Variants in LRP1B observed in about 807,000 individuals in gnomAD.
LRP1B encodes the protein LDL receptor related protein 1B, also known as low-density lipoprotein receptor-related protein 1B.
A neutral mutation model predicts 556.6 loss-of-function variants in LRP1B; 217 were observed. The ratio of observed to expected loss-of-function variants is 0.39; its 90% confidence interval spans 0.35 to 0.44. The LOEUF (loss-of-function observed/expected upper bound fraction) is 0.44, where lower values mean the gene tolerates loss of function less well. Among genes scored for constraint, LRP1B ranks in the 20% least tolerant of loss-of-function variants. The pLI is 1.00. For missense variants in LRP1B, 5,053 were observed against 5,620.8 expected (o/e 0.90, Z 3.23); for synonymous variants, 2,047 against 1,865.8 (o/e 1.10, Z -2.50).
At chr2:142,048,343 G>T (rs1316345917) in intron 1 of LRP1B, among the ~76,000 whole-genome samples, 6 of 152,064 alleles carry the variant, frequency 3.9e-5, no homozygotes, top group African/African-American at 1.4e-4. Flanking sequence ...CAACATCACA[G>T]CTAATAATTG....
intron 57 of LRP1B, among the ~76,000 whole-genome samples, chr2:140,491,433 C>G (rs1688695792): frequency 6.6e-6 from 1 of 151,790 alleles, no homozygotes; most frequent in Admixed American, 6.6e-5. Flanking sequence ...GTTCCAGAGA[C>G]TATACTAGAA....
chr2:140,381,415 C>G (rs542684896), intron 67 of LRP1B, among the ~76,000 whole-genome samples: 1 of 152,060 alleles, frequency 6.6e-6, no homozygotes, highest in Non-Finnish European at 1.5e-5. Flanking sequence ...TTGCCTATAT[C>G]CCTGGACCAA....
chr2:141,384,292 T>C (rs1209743883), intron 3 of LRP1B, among the ~76,000 whole-genome samples: 2 of 152,012 alleles, frequency 1.3e-5, no homozygotes, highest in African/African-American at 4.8e-5. Flanking sequence ...CTTGGAGCCA[T>C]ATAAAGAAAT....
chr2:140,266,582 G>T (rs1320060212), intron 86 of LRP1B, among the ~76,000 whole-genome samples: 1 of 151,836 alleles, frequency 6.6e-6, no homozygotes, highest in Non-Finnish European at 1.5e-5. Flanking sequence ...CTCTTCTCCT[G>T]TTGTGCATAT....
chr2:141,104,789 A>G (rs1700564236), intron 7 of LRP1B, among the ~76,000 whole-genome samples: 1 of 151,916 alleles, frequency 6.6e-6, no homozygotes, highest in Non-Finnish European at 1.5e-5. Context: ...GATTTGATAT[A>G]TTCTCCCCTT....
chr2:140,858,267 G>T (rs1196983108), intron 27 of LRP1B, among the ~76,000 whole-genome samples: 1 of 151,938 alleles, frequency 6.6e-6, no homozygotes, highest in African/African-American at 2.4e-5. Context: ...CCTGATTTTG[G>T]AGTAGAACTA....
chr2:140,731,570 C>A (rs986800513), intron 35 of LRP1B, among the ~76,000 whole-genome samples: 1 of 151,912 alleles, frequency 6.6e-6, no homozygotes, highest in African/African-American at 2.4e-5. Flanking sequence ...GAGATCGAGA[C>A]CATCCTGGTC....
intron 2 of LRP1B, among the ~76,000 whole-genome samples, chr2:141,504,056 C>T (rs1683825763): frequency 1.3e-5 from 2 of 152,084 alleles, no homozygotes; most frequent in South Asian, 2.1e-4. Flanking sequence ...CTATCTAATA[C>T]ATTAATAATG....
chr2:140,889,869 A>G lies in LRP1B; in HGVS notation c.3767-3534T>C, dbSNP rs570146069. ...AACTATTTTGGAGACATATTTGGCT[A>G]TAATAGACTTGAACACGTGTAAATG... is the stretch of plus-strand genomic sequence containing the variant. On this transcript the variant is annotated intron_variant, in intron 23 of 90. Coordinates refer to ENST00000389484, the MANE Select transcript of LRP1B (RefSeq NM_018557.3). 2.0e-5 allele frequency among the ~76,000 whole-genome samples: 3 copies of G among 152,330 alleles called. No homozygotes were observed. In the South Asian group the frequency reaches 6.2e-4, roughly 32 times the overall value.
At chr2:141,675,099 A>C (rs375201419) in intron 2 of LRP1B, among the ~76,000 whole-genome samples, 1 of 151,906 alleles carries the variant, frequency 6.6e-6, no homozygotes, top group East Asian at 1.9e-4. Flanking sequence ...ATTTTCTTAA[A>C]GAAATTTGTG....
At chr2:140,796,266 TTA>T (rs1690309916) in intron 32 of LRP1B, among the ~76,000 whole-genome samples, 1 of 152,062 alleles carries the variant, frequency 6.6e-6, no homozygotes, top group Non-Finnish European at 1.5e-5. Flanking sequence ...ATTATTCCAT[TTA>T]TGTTAATAAG....
chr2:141,605,335 G>C (rs1483155), intron 2 of LRP1B, among the ~76,000 whole-genome samples: 45,735 of 150,948 alleles, frequency 0.3, 7,729 homozygotes, highest in Non-Finnish European at 0.38. Flanking sequence ...ATCTAGCCTT[G>C]TACAAAAAAA....
intron 2 of LRP1B, among the ~76,000 whole-genome samples, chr2:141,777,849 G>A (rs929308854): frequency 5.9e-5 from 9 of 151,840 alleles, no homozygotes; most frequent in Admixed American, 2.0e-4. Context: ...ATGGAAGTTC[G>A]TTTACTTTTA....
chr2:140,730,006 A>C (rs1380216140), intron 35 of LRP1B, among the ~76,000 whole-genome samples: 1 of 152,154 alleles, frequency 6.6e-6, no homozygotes, highest in African/African-American at 2.4e-5. Flanking sequence ...CCTTCATGCA[A>C]ACTAAAGATC....
At chr2:141,406,806 A>T (rs1690659336) in intron 3 of LRP1B, among the ~76,000 whole-genome samples, 2 of 152,220 alleles carry the variant, frequency 1.3e-5, no homozygotes, top group South Asian at 4.1e-4. Context: ...ACCCTGGTAA[A>T]TAAGTACAAT....
chr2:140,886,624 GTT>G (rs34757111), intron 23 of LRP1B, among the ~76,000 whole-genome samples: 10 of 148,322 alleles, frequency 6.7e-5, no homozygotes, highest in East Asian at 4.0e-4. Context: ...AGGATTTTCT[GTT>G]TTTTTTTTTA....
At chr2:141,554,499 G>C (rs939880545) in intron 2 of LRP1B, among the ~76,000 whole-genome samples, 1 of 151,524 alleles carries the variant, frequency 6.6e-6, no homozygotes, top group Admixed American at 6.6e-5. Context: ...TGAAATGCAG[G>C]ATTAGAGAGT....
At chr2:140,726,898 G>A (rs141437631) in intron 35 of LRP1B, among the ~76,000 whole-genome samples, 2 of 151,908 alleles carry the variant, frequency 1.3e-5, no homozygotes, top group South Asian at 2.1e-4. Flanking sequence ...ACACTACATA[G>A]AATAATTTTT....
intron 2 of LRP1B, among the ~76,000 whole-genome samples, chr2:141,665,969 G>C (rs1690415044): frequency 6.6e-6 from 1 of 152,238 alleles, no homozygotes; most frequent in African/African-American, 2.4e-5. Flanking sequence ...TGGGGGCAGG[G>C]GTGGTGGCAG....
Sources: allele counts gnomAD v4.1 joint callset (sites outside exome capture counted in the v4.1 genomes callset), GRCh38; gene constraint gnomAD v4.1.1; transcripts MANE v1.5; gene names NCBI Gene and HGNC (gene_info 2026-07-23, HGNC 2026-07-21).